Variants in ASPM observed in about 807,000 individuals in gnomAD.
ASPM encodes abnormal spindle-like microcephaly-associated protein.
A neutral mutation model predicts 366.4 loss-of-function variants in ASPM; 256 were observed. The observed-to-expected ratio is 0.70, with a 90% CI of 0.63 to 0.77. ASPM has a LOEUF of 0.77. Ranked by LOEUF, ASPM falls within the 30% of genes least tolerant of loss-of-function variation. The probability of loss-of-function intolerance (pLI) is 0.00; values close to 1 mark genes in which losing one functional copy is unlikely to be tolerated. For synonymous variants in ASPM, 1,414 were observed against 1,342.9 expected, an observed-to-expected ratio of 1.05 and a Z score of -1.16; for missense variants, 4,146 against 4,090.4, an observed-to-expected ratio of 1.01 and a Z score of -0.37.
At chr1:197,139,337 C>T (rs1204863111) in intron 4 of ASPM, 3 of 676,248 alleles carry the variant, frequency 4.4e-6, no homozygotes, top group South Asian at 1.6e-5. Flanking sequence ...TGGCTCACGC[C>T]TGAAATCCCA....
chr1:197,092,827 G>A (rs535635976), intron 21 of ASPM, among the ~76,000 whole-genome samples: 12 of 151,766 alleles, frequency 7.9e-5, no homozygotes, highest in Non-Finnish European at 1.0e-4. Flanking sequence ...TTTATTTTGC[G>A]TCTTTGGTGG....
rs781567992 is a variant in ASPM, at chr1:197,105,093, A to C, written c.4158T>G (p.Ala1386=). 6.2e-7 allele frequency: 1 copy of C among 1,609,650 alleles called. No homozygotes were observed. The highest frequency in any genetic ancestry group is 2.2e-5 in the East Asian group (1 of 44,744). The change falls in exon 18 of 28, where the codon GCT becomes GCG. Residue 1386 remains alanine, a synonymous_variant. Coordinates refer to ENST00000367409, the MANE Select transcript of ASPM (RefSeq NM_018136.5). The part of the protein sequence containing the change: ...ILQSRIRMII[A]VTSYKRYLWA... ...AAAGATATCGTTTATAAGATGTAAC[A>C]GCAATTATCATTCTTATCCTAGATT...
Position 197,088,147 on chromosome 1 carries a change from A to C in ASPM, c.10161+109T>G, listed in dbSNP as rs1234582675. The C allele has an allele frequency of 4.1e-6, 5 of 1,223,102 alleles. No individual in the cohort carries two copies. In the African/African-American group the frequency reaches 7.6e-5, roughly 19 times the overall value. The allele number at this position is 1,223,102 out of a possible 1,614,324, so 75.8% of individuals were successfully genotyped here. A position where few individuals can be genotyped will look rare whatever the true frequency, so the allele number is the denominator to read the frequency against. On this transcript the variant is annotated intron_variant, in intron 26 of 27. Coordinates refer to ENST00000367409, the MANE Select transcript of ASPM (RefSeq NM_018136.5). Reference sequence around the variant, plus strand: ...CCGTGCAAAAAGCAGGTTTGAACACACATAAAACCCTATTTTAGAGTGATA... The same window carrying C: ...CCGTGCAAAAAGCAGGTTTGAACACCCATAAAACCCTATTTTAGAGTGATA...
At chr1:197,139,902 C>CA (rs763726116) in intron 3 of ASPM, 31 bp from the exon 4 acceptor site, 1 of 1,461,560 alleles carries the variant, frequency 6.8e-7, no homozygotes, top group Non-Finnish European at 9.6e-7. Flanking sequence ...AAACTAAGAG[C>CA]ATTAAAATAC....
chr1:197,094,237 T>C (rs1176884357), intron 19 of ASPM, 57 bp from the exon 20 acceptor site: 2 of 991,248 alleles, frequency 2.0e-6, no homozygotes, highest in East Asian at 5.0e-5. Context: ...TCAATGAGTA[T>C]TTATTGCCTC....
Position 197,142,454 on chromosome 1 carries a change from TG to T in ASPM, c.1797del (p.Arg601GlufsTer20). 3 of 1,614,028 alleles carry T rather than the reference TG, an allele frequency of 1.9e-6. No homozygotes were observed. Among genetic ancestry groups the T allele is most frequent in the Non-Finnish European group, 2.5e-6 (3 of 1,179,872 alleles). On this transcript the variant is annotated frameshift_variant, in exon 3 of 28. Transcript: ENST00000367409. LOFTEE classifies it high-confidence loss of function. ...TCTGAGGGAGAAAAATGGATTCTTT[TG>T]ATTTCTCGCACTTCTGTATGTTCTG... ...AITEHTEVRE[I>X]KRIHFSPSEP...
rs1325173143 is a variant in ASPM at position 197,143,195 on chromosome 1, A to G, written c.1057T>C (p.Leu353=). The change falls in exon 3 of 28, where the codon TTG becomes CTG. Residue 353 remains leucine, a synonymous_variant. Coordinates refer to ENST00000367409, the MANE Select transcript of ASPM (RefSeq NM_018136.5). ...ATTTCATGTGCAATTGTTGATTCCA[A>G]ATGCACAGGCTGTGAATTATCTTTC... ...FMKDNSQPVH[L]ESTIAHEIYQ... 6.2e-7 allele frequency: 1 copy of G among 1,613,642 alleles called. No homozygotes were observed. The highest frequency in any genetic ancestry group is 1.1e-5 in the South Asian group (1 of 91,034).
chr1:197,143,351 TG>T lies in ASPM; in HGVS notation c.900del (p.Asn301ThrfsTer6). 1.9e-6 allele frequency: 3 copies of T among 1,613,952 alleles called. No homozygotes were observed. The highest frequency in any genetic ancestry group is 2.5e-6 in the Non-Finnish European group (3 of 1,179,818). On this transcript the variant is annotated frameshift_variant, in exon 3 of 28. Coordinates refer to ENST00000367409, the MANE Select transcript of ASPM (RefSeq NM_018136.5). LOFTEE classifies it high-confidence loss of function. ...GTAATGTTCAAAGTTGAAGAACAGT[TG>T]GGGGTAAGACTAAGTTTACTATTCT... ...RGENSKLSLT[P>X]NCSSTLNITQ...
At chr1:197,139,429 C>T (rs1357038805) in intron 4 of ASPM, 7 of 554,714 alleles carry the variant, frequency 1.3e-5, no homozygotes, top group Non-Finnish European at 9.6e-6. Context: ...ACCCCGTCTC[C>T]ACTAAAAATA....
intron 18 of ASPM, among the ~76,000 whole-genome samples, chr1:197,096,831 G>C (rs1241763112): frequency 6.6e-6 from 1 of 151,708 alleles, no homozygotes; most frequent in Non-Finnish European, 1.5e-5. Flanking sequence ...AGGTTAATAA[G>C]TGGCAGAGTT....
Position 197,129,169 on chromosome 1 carries a change from A to T in ASPM, c.2760+18T>A. On this transcript the variant is annotated intron_variant, in intron 9 of 27. Transcript: ENST00000367409. ...AAATGGGAAATATAAAATATAAAGC[A>T]TACAATGAAAAGCATACCTTGAATT... 1 of 1,608,238 alleles carries T rather than the reference A, an allele frequency of 6.2e-7. No homozygotes were observed. Among genetic ancestry groups the T allele is most frequent in the Non-Finnish European group, 8.5e-7 (1 of 1,175,498 alleles).
Position 197,102,640 on chromosome 1 carries a change from C to T in ASPM, c.6611G>A (p.Arg2204Lys), listed in dbSNP as rs964234881. The change falls in exon 18 of 28, where the codon AGA becomes AAA. Residue 2204 changes from arginine (R) to lysine (K), a missense_variant. By Grantham distance (26) the Arg-to-Lys change is conservative. Coordinates refer to ENST00000367409, the MANE Select transcript of ASPM (RefSeq NM_018136.5). ...TAACTTATTAAAGTATGTTTGCTGT[C>T]TGTATCTTCTGTAGTTTGACTGAAT... Reference protein sequence around the residue: ...TLIQSNYRRYRQQTYFNKLKK... With the variant: ...TLIQSNYRRYKQQTYFNKLKK... 3 of 1,612,594 alleles carry T rather than the reference C, an allele frequency of 1.9e-6. No individual in the cohort carries two copies. The highest frequency in any genetic ancestry group is 1.7e-6 in the Non-Finnish European group (2 of 1,179,254).
In ASPM at chr1:197,102,596, CTGTTTT is replaced by C; in HGVS notation, c.6649_6654del (p.Lys2217_Thr2218del). The C allele has an allele frequency of 6.2e-7, 1 of 1,612,214 alleles. No individual in the cohort carries two copies. Among genetic ancestry groups the C allele is most frequent in the Non-Finnish European group, 8.5e-7 (1 of 1,179,078 alleles). On this transcript the variant is annotated inframe_deletion, in exon 18 of 28. Coordinates refer to ENST00000367409, the MANE Select transcript of ASPM (RefSeq NM_018136.5). Reference sequence around the variant, plus strand: ...TTCATTGCCCAGTATCTTTGCTGTACTGTTTTTGTTATTTTCTTTAACTTATTAAAG... The same window carrying C: ...TTCATTGCCCAGTATCTTTGCTGTACTGTTATTTTCTTTAACTTATTAAAG...
Position 197,101,061 on chromosome 1 carries a change from T to C in ASPM, c.8190A>G (p.Thr2730=), listed in dbSNP as rs1657154535. The change falls in exon 18 of 28, where the codon ACA becomes ACG. Residue 2730 remains threonine, a synonymous_variant. Coordinates refer to ENST00000367409, the MANE Select transcript of ASPM (RefSeq NM_018136.5). Reference sequence around the variant, plus strand: ...GAACTGCTAAAAAGTTTTTTCTTTCTGTTTTTACTCTAACATACAACCTAT... The same window carrying C: ...GAACTGCTAAAAAGTTTTTTCTTTCCGTTTTTACTCTAACATACAACCTAT... ...NYYRLYVRVK[T]ERKNFLAVQK... 10 of 1,611,456 alleles carry C rather than the reference T, an allele frequency of 6.2e-6. No individual in the cohort carries two copies. Among genetic ancestry groups the C allele is most frequent in the Non-Finnish European group, 8.5e-6 (10 of 1,178,768 alleles).
chr1:197,140,235 T>C (rs191988257), intron 3 of ASPM, among the ~76,000 whole-genome samples: 2 of 152,330 alleles, frequency 1.3e-5, no homozygotes, highest in Admixed American at 1.3e-4. Context: ...AGTTTAAAAA[T>C]GGTAGAAGAG....
chr1:197,115,201 G>T (rs560495310), intron 17 of ASPM, among the ~76,000 whole-genome samples: 4 of 152,140 alleles, frequency 2.6e-5, no homozygotes, highest in Admixed American at 6.6e-5. Context: ...CCCATTTCAA[G>T]AAACTACTTT....
chr1:197,118,006 TG>T, intron 16 of ASPM, 23 bp from the exon 17 acceptor site: 1 of 1,599,456 alleles, frequency 6.3e-7, no homozygotes. Flanking sequence ...AGTCAGCAAA[TG>T]TAAATTAAAC....
At chr1:197,096,256 G>T (rs1656972862) in intron 18 of ASPM, 92 bp from the exon 19 acceptor site, 1 of 1,147,064 alleles carries the variant, frequency 8.7e-7, no homozygotes, top group Non-Finnish European at 1.3e-6. Flanking sequence ...TTAAAATAAG[G>T]TTAGTGCAGA....
intron 27 of ASPM, 31 bp downstream of exon 27, chr1:197,086,772 A>T: frequency 6.4e-7 from 1 of 1,551,704 alleles, no homozygotes; most frequent in Non-Finnish European, 8.9e-7. Context: ...GAACAGTGAC[A>T]CAAATTTATG....
Sources: allele counts gnomAD v4.1 joint callset (sites outside exome capture counted in the v4.1 genomes callset), GRCh38; gene constraint gnomAD v4.1.1; transcripts MANE v1.5; gene names NCBI Gene and HGNC (gene_info 2026-07-23, HGNC 2026-07-21).